Variants in CNTN3 observed in about 807,000 individuals in gnomAD.
CNTN3 encodes contactin-3.
A neutral mutation model predicts 119.1 loss-of-function variants in CNTN3; 60 were observed. The ratio of observed to expected loss-of-function variants is 0.50; its 90% CI spans 0.41 to 0.62. The LOEUF is 0.62. CNTN3 is among the 20% of genes least tolerant of loss of function. CNTN3 has a pLI of 0.00. For synonymous variants in CNTN3, 450 were observed against 438.7 expected, an observed-to-expected ratio of 1.03 and a Z score of -0.32; for missense variants, 1,101 against 1,242.4, an observed-to-expected ratio of 0.89 and a Z score of 1.71.
intron 3 of CNTN3, among the ~76,000 whole-genome samples, chr3:74,492,596 C>T (rs1310197781): frequency 6.6e-6 from 1 of 152,236 alleles, no homozygotes; most frequent in African/African-American, 2.4e-5. Context: ...CATAATATAC[C>T]TGACATAGGA....
chr3:74,395,858 TG>T (rs1222563062), intron 5 of CNTN3, among the ~76,000 whole-genome samples: 1 of 152,206 alleles, frequency 6.6e-6, no homozygotes, highest in Non-Finnish European at 1.5e-5. Context: ...TACATGTCTC[TG>T]TGTCACACTT....
At chr3:74,278,327 T>C (rs1701922208) in intron 20 of CNTN3, among the ~76,000 whole-genome samples, 1 of 152,034 alleles carries the variant, frequency 6.6e-6, no homozygotes, top group Non-Finnish European at 1.5e-5. Flanking sequence ...AGAACAAATC[T>C]AGAGGCATCA....
At chr3:74,434,955 T>A (rs1046451595) in intron 4 of CNTN3, among the ~76,000 whole-genome samples, 5 of 152,194 alleles carry the variant, frequency 3.3e-5, no homozygotes, top group Non-Finnish European at 5.9e-5. Context: ...TGACACTGCA[T>A]TTTCCTATGT....
chr3:74,508,753 T>A (rs1180880454), intron 2 of CNTN3, among the ~76,000 whole-genome samples: 1 of 152,186 alleles, frequency 6.6e-6, no homozygotes, highest in Admixed American at 6.5e-5. Flanking sequence ...GTTCATATCA[T>A]CACAACATCA....
At chr3:74,417,523 A>G (rs1701542910) in intron 5 of CNTN3, among the ~76,000 whole-genome samples, 1 of 152,238 alleles carries the variant, frequency 6.6e-6, no homozygotes, top group Non-Finnish European at 1.5e-5. Flanking sequence ...ATGAATGAAT[A>G]CAATGGATGG....
At chr3:74,454,640 C>T (rs1442946614) in intron 4 of CNTN3, among the ~76,000 whole-genome samples, 3 of 152,024 alleles carry the variant, frequency 2.0e-5, no homozygotes, top group Non-Finnish European at 2.9e-5. Context: ...GATTTTGCAG[C>T]AGCTGGTACC....
intron 18 of CNTN3, among the ~76,000 whole-genome samples, chr3:74,296,916 G>A (rs1702350327): frequency 6.8e-6 from 1 of 147,204 alleles, no homozygotes. Context: ...AACAGTTGTT[G>A]CTGATCTATG....
rs1434771842 is a variant in CNTN3 at position 74,395,508 on chromosome 3, T to C, written c.455-24109A>G. 2.0e-5 allele frequency among the ~76,000 whole-genome samples: 3 copies of C among 152,058 alleles called. No individual in the cohort carries two copies. The South Asian group carries it at 6.2e-4, about 32-fold the overall frequency. On this transcript the variant is annotated intron_variant, in intron 5 of 22. Transcript: ENST00000263665. ...GATAGTGGCTAGTATTTAGTAAAGGTTATATAAGTGCCTAATTTAGAAAAA... is the reference window on the plus strand; with the variant it reads ...GATAGTGGCTAGTATTTAGTAAAGGCTATATAAGTGCCTAATTTAGAAAAA...
intron 3 of CNTN3, among the ~76,000 whole-genome samples, chr3:74,489,317 T>TA (rs1181452339): frequency 6.6e-6 from 1 of 152,016 alleles, no homozygotes; most frequent in Admixed American, 6.6e-5. Flanking sequence ...CTGCCTACAG[T>TA]AGACACAAGC....
intron 1 of CNTN3, among the ~76,000 whole-genome samples, chr3:74,546,162 A>C (rs906473781): frequency 1.3e-5 from 2 of 151,804 alleles, no homozygotes; most frequent in African/African-American, 4.8e-5. Context: ...TGCCCGGCTA[A>C]TTTTTTGCAT....
At chr3:74,417,707 T>A (rs985459140) in intron 5 of CNTN3, among the ~76,000 whole-genome samples, 2 of 152,206 alleles carry the variant, frequency 1.3e-5, no homozygotes, top group Admixed American at 1.3e-4. Context: ...ACAACAAATG[T>A]TTCCTTTAGA....
rs77227875 is a variant in CNTN3 at position 74,459,591 on chromosome 3, T to A, written c.358+26865A>T. ...TAAACTTCTTTCAGAACTCTGCATGTCCTATGCTTGCTGAGTTTCCTATCA... is the reference window on the plus strand; with the variant it reads ...TAAACTTCTTTCAGAACTCTGCATGACCTATGCTTGCTGAGTTTCCTATCA... On this transcript the variant is annotated intron_variant, in intron 4 of 22. Coordinates refer to ENST00000263665, the MANE Select transcript of CNTN3 (RefSeq NM_020872.3). Among the ~76,000 whole-genome samples the A allele has an allele frequency of 7.9e-5, 12 of 152,122 alleles. No homozygotes were observed. In the East Asian group the frequency reaches 2.1e-3, roughly 27 times the overall value.
At chr3:74,464,842 C>A (rs193296852) in intron 4 of CNTN3, among the ~76,000 whole-genome samples, 2 of 152,180 alleles carry the variant, frequency 1.3e-5, no homozygotes, top group Admixed American at 6.5e-5. Flanking sequence ...TACTTCTATC[C>A]CCTAAATGGG....
intron 4 of CNTN3, among the ~76,000 whole-genome samples, chr3:74,443,648 TTC>T (rs1218030081): frequency 6.6e-6 from 1 of 152,192 alleles, no homozygotes; most frequent in Non-Finnish European, 1.5e-5. Flanking sequence ...ACACACTCTT[TTC>T]TGTTTCTCAG....
At chr3:74,508,917 A>C (rs1251917229) in intron 2 of CNTN3, among the ~76,000 whole-genome samples, 1 of 152,190 alleles carries the variant, frequency 6.6e-6, no homozygotes, top group Non-Finnish European at 1.5e-5. Context: ...TGGCAATGTA[A>C]GAAAAAGTAT....
intron 5 of CNTN3, among the ~76,000 whole-genome samples, chr3:74,414,213 C>T (rs1216946108): frequency 6.6e-6 from 1 of 152,016 alleles, no homozygotes; most frequent in Non-Finnish European, 1.5e-5. Flanking sequence ...TAAAATTATC[C>T]TCATACTTTT....
At chr3:74,273,020 A>G (rs1210646489) in intron 20 of CNTN3, among the ~76,000 whole-genome samples, 1 of 152,220 alleles carries the variant, frequency 6.6e-6, no homozygotes, top group Non-Finnish European at 1.5e-5. Flanking sequence ...ATATATTAAT[A>G]GAAAAGGTTG....
At chr3:74,341,377 C>T (rs554182826) in intron 11 of CNTN3, among the ~76,000 whole-genome samples, 5 of 152,232 alleles carry the variant, frequency 3.3e-5, no homozygotes, top group South Asian at 4.1e-4. Flanking sequence ...TCTGCAAATG[C>T]GTAGAGCTGA....
intron 13 of CNTN3, among the ~76,000 whole-genome samples, chr3:74,322,181 A>G (rs1382001300): frequency 1.3e-5 from 2 of 151,868 alleles, no homozygotes; most frequent in Non-Finnish European, 2.9e-5. Context: ...AAAAAAAAAA[A>G]AAAAAAAGAT....
Sources: allele counts gnomAD v4.1 joint callset (sites outside exome capture counted in the v4.1 genomes callset), GRCh38; gene constraint gnomAD v4.1.1; transcripts MANE v1.5; gene names NCBI Gene and HGNC (gene_info 2026-07-23, HGNC 2026-07-21).